TGFBR3: variants seen among roughly 807,000 people sequenced by gnomAD.
The protein encoded by TGFBR3 is transforming growth factor beta receptor 3, also known as transforming growth factor beta receptor type 3.
TGFBR3 carries 46 observed loss-of-function variants against 87.9 expected under a neutral mutation model. The ratio of observed to expected loss-of-function variants is 0.52; its 90% CI spans 0.41 to 0.67. The LOEUF (loss-of-function observed/expected upper bound fraction) is 0.67, where lower values mean the gene tolerates loss of function less well. Ranked by LOEUF, TGFBR3 falls within the 30% of genes least tolerant of loss-of-function variation. The pLI, the probability that TGFBR3 is intolerant of heterozygous loss-of-function variation, is 0.00. For missense variants in TGFBR3, 866 were observed against 1,041.9 expected, an observed-to-expected ratio of 0.83 and a Z score of 2.32; for synonymous variants, 381 against 391.6, an observed-to-expected ratio of 0.97 and a Z score of 0.32.
chr1:91,709,195 G>A (rs183708911), intron 13 of TGFBR3, among the ~76,000 whole-genome samples: 6 of 152,322 alleles, frequency 3.9e-5, no homozygotes, highest in African/African-American at 1.4e-4. Flanking sequence ...CTCAACTTAT[G>A]ATGAGGTTAC....
chr1:91,734,069 G>GGAGGGAGT (rs1490799291), intron 5 of TGFBR3, among the ~76,000 whole-genome samples: 12 of 141,676 alleles, frequency 8.5e-5, no homozygotes, highest in Admixed American at 1.4e-4. Context: ...AGGGAGGGAG[G>GGAGGGAGT]GAGGGAGGAA....
At chr1:91,738,432 C>A (rs1406785063) in intron 4 of TGFBR3, among the ~76,000 whole-genome samples, 1 of 152,128 alleles carries the variant, frequency 6.6e-6, no homozygotes, top group African/African-American at 2.4e-5. Context: ...ATGGCTTAGG[C>A]CATCCCCTTG....
chr1:91,877,328 G>T (rs7545838), intron 1 of TGFBR3, among the ~76,000 whole-genome samples: 89,774 of 151,466 alleles, frequency 0.59, 26,958 homozygotes, highest in Middle Eastern at 0.71. Flanking sequence ...TTCTTTTTTT[G>T]TGTGTGTGGT....
rs150461884 is a variant in TGFBR3 at position 91,716,624 on chromosome 1, G to T, written c.1651C>A (p.Pro551Thr). ...EDLESGDNGF[P>T]GDMDEGDASL... is the part of the protein sequence containing the mutation. ...GCATCTCCTTCATCCATATCTCCCG[G>T]AAATCCATTATCACCTGACTCCAGA... Residue 551 changes from proline to threonine, a missense_variant, in exon 11 of 17, where the codon CCG (proline) becomes ACG (threonine). Coordinates refer to ENST00000212355, the MANE Select transcript of TGFBR3 (RefSeq NM_003243.5). The T allele has an allele frequency of 7.4e-6, 12 of 1,614,086 alleles. No homozygotes were observed. The highest frequency in any genetic ancestry group is 2.7e-5 in the African/African-American group (2 of 75,022).
rs17886472 is a variant in TGFBR3 at position 91,698,441 on chromosome 1, C to CA, written c.2288-312dup. On this transcript the variant is annotated intron_variant, in intron 14 of 16. Transcript: ENST00000212355. Reference sequence around the variant, plus strand: ...TTGTGTATATCTTTTTATTTACTTACAAAAAAATTCAATACCTTTAAGTAC... The same window carrying CA: ...TTGTGTATATCTTTTTATTTACTTACAAAAAAAATTCAATACCTTTAAGTAC... Among the ~76,000 whole-genome samples, 46 of 109,570 alleles carry CA rather than the reference C, an allele frequency of 4.2e-4. No homozygotes were observed. In the South Asian group the frequency reaches 0.012, roughly 29 times the overall value. 71.9% of individuals were successfully genotyped at this position (109,570 alleles called of 152,430 possible). A position where few individuals can be genotyped will look rare whatever the true frequency, so the allele number is the denominator to read the frequency against.
chr1:91,770,419 T>C (rs959865913), intron 3 of TGFBR3, among the ~76,000 whole-genome samples: 1 of 152,172 alleles, frequency 6.6e-6, no homozygotes, highest in East Asian at 1.9e-4. Context: ...GCAGTTTACA[T>C]AATAAATAAG....
intron 2 of TGFBR3, among the ~76,000 whole-genome samples, chr1:91,844,666 A>T (rs1239299893): frequency 6.6e-6 from 1 of 152,248 alleles, no homozygotes; most frequent in Non-Finnish European, 1.5e-5. Flanking sequence ...TTTTGAGGAA[A>T]ATCATTTAAA....
intron 1 of TGFBR3, among the ~76,000 whole-genome samples, chr1:91,883,171 C>G (rs1679164038): frequency 1.3e-5 from 2 of 152,100 alleles, no homozygotes; most frequent in African/African-American, 4.8e-5. Context: ...AGTTTACATA[C>G]AAACTTCACT....
At chr1:91,735,545 G>A (rs1672938887) in intron 4 of TGFBR3, among the ~76,000 whole-genome samples, 1 of 152,226 alleles carries the variant, frequency 6.6e-6, no homozygotes, top group Admixed American at 6.5e-5. Flanking sequence ...TCATAAGAGT[G>A]AGATGAATGT....
chr1:91,878,468 A>C (rs989249577), intron 1 of TGFBR3, among the ~76,000 whole-genome samples: 2 of 152,242 alleles, frequency 1.3e-5, no homozygotes, highest in African/African-American at 4.8e-5. Flanking sequence ...TTCACTTGCC[A>C]GATGGAATTA....
chr1:91,826,123 A>G, intron 2 of TGFBR3, among the ~76,000 whole-genome samples: 1 of 152,204 alleles, frequency 6.6e-6, no homozygotes, highest in East Asian at 1.9e-4. Context: ...AAATAGTAAG[A>G]CAGAGTGCCT....
chr1:91,739,961 G>A (rs1046724318), intron 4 of TGFBR3, among the ~76,000 whole-genome samples: 2 of 152,140 alleles, frequency 1.3e-5, no homozygotes, highest in African/African-American at 2.4e-5. Context: ...TCACTATGAC[G>A]AGAACAGCAC....
At chr1:91,714,319 A>G (rs957618322) in intron 12 of TGFBR3, among the ~76,000 whole-genome samples, 1 of 152,210 alleles carries the variant, frequency 6.6e-6, no homozygotes, top group Non-Finnish European at 1.5e-5. Flanking sequence ...AGTATTCTAG[A>G]TTTAAAATTT....
intron 2 of TGFBR3, among the ~76,000 whole-genome samples, chr1:91,801,645 G>A (rs910056738): frequency 6.6e-6 from 1 of 152,160 alleles, no homozygotes; most frequent in Non-Finnish European, 1.5e-5. Flanking sequence ...GCTAATTGTG[G>A]AATCTAAATG....
At chr1:91,788,751 G>C (rs966582745) in intron 3 of TGFBR3, among the ~76,000 whole-genome samples, 2 of 152,240 alleles carry the variant, frequency 1.3e-5, no homozygotes, top group Non-Finnish European at 2.9e-5. Flanking sequence ...TTGCAGAGCT[G>C]CTCCTGACTT....
rs1178154839 is a variant in TGFBR3 at position 91,734,975 on chromosome 1, T to C, written c.385-16A>G. The C allele has an allele frequency of 1.9e-6, 3 of 1,613,916 alleles. No individual in the cohort carries two copies. Among genetic ancestry groups the C allele is most frequent in the African/African-American group, 2.7e-5 (2 of 75,038 alleles). On this transcript the variant is annotated splice_polypyrimidine_tract_variant and intron_variant, in intron 4 of 16. Transcript: ENST00000212355. ...CCTCAGACACCTAGAGGAAAGAGAA[T>C]TGCGTATTTAACATGGTGCAGTCAC...
rs57326419 is a variant in TGFBR3, at chr1:91,835,827, CAAAAAA to C, written c.61+25638_61+25643del. Reference sequence around the variant, plus strand: ...TGGGTGACAGAGCGAGACTCCACCTCAAAAAAAAAAAAAAAAAAAAAAAAAAAGCCA... The same window carrying C: ...TGGGTGACAGAGCGAGACTCCACCTCAAAAAAAAAAAAAAAAAAAAAGCCA... On this transcript the variant is annotated intron_variant, in intron 2 of 16. Transcript: ENST00000212355. Among the ~76,000 whole-genome samples the C allele has an allele frequency of 9.1e-4, 68 of 74,762 alleles. No individual in the cohort carries two copies. The East Asian group carries it at 0.018, about 20-fold the overall frequency. 49.0% of individuals were successfully genotyped at this position (74,762 alleles called of 152,430 possible). A position where few individuals can be genotyped will look rare whatever the true frequency, so the allele number is the denominator to read the frequency against.
intron 2 of TGFBR3, among the ~76,000 whole-genome samples, chr1:91,898,491 C>T (rs537415343): frequency 2.6e-5 from 4 of 152,158 alleles, no homozygotes; most frequent in African/African-American, 9.7e-5. Flanking sequence ...GGCTGGAGTG[C>T]AGTGGCGCGA....
chr1:91,899,875 A>G (rs1020113864), intron 1 of TGFBR3, among the ~76,000 whole-genome samples: 1 of 151,720 alleles, frequency 6.6e-6, no homozygotes, highest in Non-Finnish European at 1.5e-5. Flanking sequence ...CACTTTAGCC[A>G]GGAGTTGAAG....
Sources: gnomAD v4.1 joint callset for allele counts (sites outside exome capture counted in the v4.1 genomes callset) on GRCh38, gnomAD v4.1.1 for gene constraint, MANE v1.5 for transcripts, NCBI Gene and HGNC (gene_info 2026-07-23, HGNC 2026-07-21) for gene names.